The following PPP4R4 variants were observed in gnomAD, a reference collection of about 807,000 sequenced individuals.
The protein encoded by PPP4R4 is protein phosphatase 4 regulatory subunit 4, also known as serine/threonine-protein phosphatase 4 regulatory subunit 4.
Under a neutral mutation model 121.8 loss-of-function variants are expected in PPP4R4, and 70 were observed. The observed-to-expected ratio is 0.57, with a 90% CI of 0.47 to 0.70. PPP4R4 has a LOEUF of 0.70. Ranked by LOEUF, PPP4R4 falls within the 30% of genes least tolerant of loss-of-function variation. The pLI is 0.00. For synonymous variants in PPP4R4, 348 were observed against 355.7 expected (o/e 0.98, Z 0.24); for missense variants, 875 against 1,033.6 (o/e 0.85, Z 2.10).
intron 2 of PPP4R4, among the ~76,000 whole-genome samples, chr14:94,200,805 A>G (rs2402417): frequency 6.9e-6 from 1 of 145,206 alleles, no homozygotes; most frequent in East Asian, 2.0e-4. Flanking sequence ...TATCTTTTGT[A>G]TTTTTTTTTT....
At chr14:94,251,305 T>C (rs1566690597) in intron 15 of PPP4R4, among the ~76,000 whole-genome samples, 1 of 152,072 alleles carries the variant, frequency 6.6e-6, no homozygotes, top group South Asian at 2.1e-4. Context: ...TTAGAAGTTA[T>C]ACAGAGCTGT....
rs201855869 is a variant in PPP4R4, at chr14:94,220,462, C to CT, written c.295-10115dup. On this transcript the variant is annotated intron_variant, in intron 3 of 24. Transcript: ENST00000304338. ...ATTGCAGAGAAAGAAGTAAAGCTGT[C>CT]TTTTTTTTTTCTCAGATAACATTAT... Among the ~76,000 whole-genome samples the CT allele has an allele frequency of 7.9e-3, 1,175 of 149,226 alleles. 19 individuals carry two copies. Among genetic ancestry groups the CT allele is most frequent in the African/African-American group, 0.025 (1,000 of 40,758 alleles).
intron 3 of PPP4R4, among the ~76,000 whole-genome samples, chr14:94,219,075 CTTTTCT>C (rs1951492760): frequency 8.9e-6 from 1 of 112,914 alleles, no homozygotes; most frequent in Non-Finnish European, 1.8e-5. Context: ...TTTTTCTTTT[CTTTTCT>C]TTTTTTTTTT....
intron 3 of PPP4R4, among the ~76,000 whole-genome samples, chr14:94,218,548 GCACA>G (rs772923272): frequency 2.6e-5 from 2 of 76,302 alleles, no homozygotes; most frequent in Non-Finnish European, 4.7e-5. Flanking sequence ...CTGCGCGCGC[GCACA>G]CACACACACT....
At chr14:94,231,843 C>T (rs1892054921) in intron 5 of PPP4R4, among the ~76,000 whole-genome samples, 2 of 152,064 alleles carry the variant, frequency 1.3e-5, no homozygotes, top group South Asian at 2.1e-4. Flanking sequence ...TTTTGACTAA[C>T]AATATGTGAA....
At chr14:94,246,782 C>G (rs767854706) in intron 14 of PPP4R4, among the ~76,000 whole-genome samples, 5 of 152,078 alleles carry the variant, frequency 3.3e-5, no homozygotes, top group Non-Finnish European at 5.9e-5. Flanking sequence ...TTTCACCTAC[C>G]CTTTGTTTAT....
chr14:94,248,326 AAAT>A (rs1893001174), intron 14 of PPP4R4, among the ~76,000 whole-genome samples: 1 of 152,176 alleles, frequency 6.6e-6, no homozygotes, highest in South Asian at 2.1e-4. Flanking sequence ...GCCACAAAAA[AAAT>A]ATCCAGTAAC....
intron 2 of PPP4R4, among the ~76,000 whole-genome samples, chr14:94,188,602 T>C (rs575794122): frequency 1.4e-4 from 22 of 152,282 alleles, no homozygotes; most frequent in African/African-American, 5.1e-4. Context: ...CACACACTTA[T>C]ATAAACATTT....
At chr14:94,256,354 C>A in intron 16 of PPP4R4, 106 bp from the exon 17 acceptor site, 3 of 861,606 alleles carry the variant, frequency 3.5e-6, no homozygotes, top group Non-Finnish European at 5.2e-6. Context: ...ATATATCTTG[C>A]ATGAATAAAT....
At chr14:94,244,614 G>T in intron 11 of PPP4R4, 21 bp from the exon 12 acceptor site, 2 of 1,456,774 alleles carry the variant, frequency 1.4e-6, no homozygotes, top group Non-Finnish European at 1.9e-6. Flanking sequence ...AAATCTGAGA[G>T]ACTTTATTGC....
chr14:94,242,385 A>G lies in PPP4R4; in HGVS notation c.1243A>G (p.Thr415Ala). 4 of 1,610,450 alleles carry G rather than the reference A, an allele frequency of 2.5e-6. No individual in the cohort carries two copies. The highest frequency in any genetic ancestry group is 3.4e-6 in the Non-Finnish European group (4 of 1,176,952). Reference protein sequence around the residue: ...CHDPEVPVRYTIAICFYEVSK... With the variant: ...CHDPEVPVRYAIAICFYEVSK... ...TGACCCTGAAGTACCAGTCAGATAC[A>G]CTATTGCTATTTGCTTTTATGAAGT... Residue 415 changes from threonine (T) to alanine (A), a missense_variant, in exon 11 of 25, where the codon ACT (threonine) becomes GCT (alanine). Transcript: ENST00000304338.
At chr14:94,192,657 C>T (rs1013792326) in intron 2 of PPP4R4, among the ~76,000 whole-genome samples, 4 of 152,160 alleles carry the variant, frequency 2.6e-5, no homozygotes, top group Non-Finnish European at 5.9e-5. Context: ...TAACTACAAA[C>T]ATTTGATATC....
intron 2 of PPP4R4, among the ~76,000 whole-genome samples, chr14:94,195,238 A>T (rs1356514889): frequency 6.6e-6 from 1 of 152,182 alleles, no homozygotes; most frequent in East Asian, 1.9e-4. Flanking sequence ...CCCCAGTAGT[A>T]TCACCTGGAA....
intron 3 of PPP4R4, among the ~76,000 whole-genome samples, chr14:94,222,830 C>G (rs1357451364): frequency 1.3e-5 from 2 of 152,044 alleles, no homozygotes; most frequent in Admixed American, 6.5e-5. Context: ...TTACATGTGC[C>G]TCTGCCTAAT....
intron 19 of PPP4R4, among the ~76,000 whole-genome samples, chr14:94,260,382 T>C (rs928062617): frequency 3.3e-5 from 5 of 152,056 alleles, no homozygotes; most frequent in African/African-American, 1.2e-4. Context: ...ACCGTGGTTG[T>C]GCCACTGCAC....
intron 19 of PPP4R4, among the ~76,000 whole-genome samples, chr14:94,264,079 C>T (rs1476783721): frequency 2.0e-5 from 3 of 152,054 alleles, no homozygotes; most frequent in African/African-American, 4.8e-5. Context: ...TATACAAGTG[C>T]GTCTATTTTG....
intron 19 of PPP4R4, among the ~76,000 whole-genome samples, chr14:94,261,265 G>A (rs1221295105): frequency 6.6e-6 from 1 of 152,044 alleles, no homozygotes; most frequent in African/African-American, 2.4e-5. Flanking sequence ...GGCCAGTCTA[G>A]GGCCTTTGCA....
At chr14:94,247,758 A>G (rs1892972020) in intron 14 of PPP4R4, among the ~76,000 whole-genome samples, 1 of 152,258 alleles carries the variant, frequency 6.6e-6, no homozygotes, top group African/African-American at 2.4e-5. Context: ...TTAGTTCAAC[A>G]TAAGCAAATC....
chr14:94,178,437 ATTATG>A (rs1888795881), intron 2 of PPP4R4, among the ~76,000 whole-genome samples: 2 of 150,534 alleles, frequency 1.3e-5, no homozygotes, highest in Non-Finnish European at 3.0e-5. Flanking sequence ...ATTTTGGAGT[ATTATG>A]TTAAATTAGA....
Sources: gnomAD v4.1 joint callset for allele counts (sites outside exome capture counted in the v4.1 genomes callset) on GRCh38, gnomAD v4.1.1 for gene constraint, MANE v1.5 for transcripts, NCBI Gene and HGNC (gene_info 2026-07-23, HGNC 2026-07-21) for gene names.